OAS3: variants seen among roughly 807,000 people sequenced by gnomAD.
The protein encoded by OAS3 is 2'-5'-oligoadenylate synthase 3.
In OAS3, 107 loss-of-function variants were observed where a neutral mutation model predicts 113.0. That is an observed-to-expected ratio of 0.95 (90% confidence interval 0.81 to 1.11). The LOEUF (loss-of-function observed/expected upper bound fraction) is 1.11, where lower values mean the gene tolerates loss of function less well. Among genes scored for constraint, OAS3 ranks in the 50% most tolerant of loss-of-function variants. The pLI, the probability that OAS3 is intolerant of heterozygous loss-of-function variation, is 0.00. For synonymous variants in OAS3, 552 were observed against 573.6 expected (o/e 0.96, Z 0.54); for missense variants, 1,258 against 1,389.1 (o/e 0.91, Z 1.50).
At chr12:112,947,037 T>C (rs2043740123) in intron 4 of OAS3, 56 bp downstream of exon 4, 5 of 1,472,512 alleles carry the variant, frequency 3.4e-6, no homozygotes, top group South Asian at 2.3e-5. Flanking sequence ...GGGGAGATAA[T>C]TGACAAGGAC....
chr12:112,955,977 T>C (rs1165629361), intron 7 of OAS3, among the ~76,000 whole-genome samples: 1 of 152,230 alleles, frequency 6.6e-6, no homozygotes, highest in East Asian at 1.9e-4. Flanking sequence ...GGACTTTTTT[T>C]GGTTGGTAGG....
At position 112,948,021 on chromosome 12, in the gene OAS3, C is replaced by T. The variant is rs1296893645; in HGVS notation, c.951C>T (p.Ala317=). The T allele has an allele frequency of 5.0e-6, 8 of 1,601,130 alleles. No homozygotes were observed. The South Asian group carries it at 8.9e-5, about 18-fold the overall frequency. Residue 317 remains alanine (A), a synonymous_variant, in exon 5 of 16, where the codon GCC becomes GCT. Coordinates refer to ENST00000228928, the MANE Select transcript of OAS3 (RefSeq NM_006187.4). ...CAGCCTGGCACTGGGATTTGCTAGCCCAGGAGGCAGCATCCTGCTATGACC... is the reference window on the plus strand; with the variant it reads ...CAGCCTGGCACTGGGATTTGCTAGCTCAGGAGGCAGCATCCTGCTATGACC... ...NGAAWHWDLL[A]QEAASCYDHP...
chr12:112,947,656 T>C (rs1565975808), intron 4 of OAS3, among the ~76,000 whole-genome samples: 1 of 152,188 alleles, frequency 6.6e-6, no homozygotes, highest in Non-Finnish European at 1.5e-5. Flanking sequence ...TGCATATCTG[T>C]TGGAAATATA....
chr12:112,949,208 G>A lies in OAS3; in HGVS notation c.1374+3G>A, dbSNP rs1031554394. ...ACAAGGCCTCAAGAGTCAGTAAAGTGAGTTGGGCCAGTGGAGACACAGGGG... is the reference window on the plus strand; with the variant it reads ...ACAAGGCCTCAAGAGTCAGTAAAGTAAGTTGGGCCAGTGGAGACACAGGGG... On this transcript the variant is annotated splice_donor_region_variant and intron_variant, in intron 6 of 15. Coordinates refer to ENST00000228928, the MANE Select transcript of OAS3 (RefSeq NM_006187.4). 15 of 1,593,144 alleles carry A rather than the reference G, an allele frequency of 9.4e-6. No individual in the cohort carries two copies. Among genetic ancestry groups the A allele is most frequent in the Non-Finnish European group, 1.3e-5 (15 of 1,175,642 alleles).
In OAS3 at chr12:112,938,569, G is replaced by C. The variant is rs753470958; in HGVS notation, c.39G>C (p.Arg13Ser). The change falls in exon 1 of 16, where the codon AGG becomes AGC. Residue 13 changes from arginine to serine, a missense_variant. Physicochemically the swap from Arg to Ser is moderately radical, Grantham distance 110. Transcript: ENST00000228928. ...GCACCCCGGCCGCTGCGCTGGACAG[G>C]TTCGTGGCCAGAAGGCTGCAGCCGC... Reference protein sequence around the residue: ...LYSTPAAALDRFVARRLQPRK... With the variant: ...LYSTPAAALDSFVARRLQPRK... 2.5e-6 allele frequency: 4 copies of C among 1,610,374 alleles called. No individual in the cohort carries two copies. The Admixed American group carries it at 6.7e-5, about 27-fold the overall frequency.
Position 112,967,567 on chromosome 12 carries a change from C to T in OAS3, c.2839C>T (p.Arg947Trp), listed in dbSNP as rs200185349. 2.6e-4 allele frequency: 418 copies of T among 1,613,718 alleles called. No individual in the cohort carries two copies. Among genetic ancestry groups the T allele is most frequent in the Non-Finnish European group, 3.3e-4 (389 of 1,179,784 alleles). The change falls in exon 13 of 16, where the codon CGG becomes TGG. Residue 947 changes from arginine (R) to tryptophan (W), a missense_variant. Physicochemically the swap from Arg to Trp is moderately radical, Grantham distance 101. Transcript: ENST00000228928. ...SRPTKLKSLI[R>W]LVKHWYQQCT... ...CCCTACCAAGCTGAAGAGCCTGATCCGGCTGGTGAAGCACTGGTACCAGCA... is the reference window on the plus strand; with the variant it reads ...CCCTACCAAGCTGAAGAGCCTGATCTGGCTGGTGAAGCACTGGTACCAGCA...
At chr12:112,964,098 C>A in intron 10 of OAS3, 137 bp from the exon 11 acceptor site, 2 of 883,436 alleles carry the variant, frequency 2.3e-6, no homozygotes, top group Non-Finnish European at 3.4e-6. Context: ...TACCTCAGAA[C>A]CTACCCACCA....
In OAS3 at chr12:112,967,488, G is replaced by A. The variant is rs756090940; in HGVS notation, c.2760G>A (p.Ala920=). 36 of 1,613,512 alleles carry A rather than the reference G, an allele frequency of 2.2e-5. No homozygotes were observed. The highest frequency in any genetic ancestry group is 2.9e-5 in the Non-Finnish European group (34 of 1,179,782). The change falls in exon 13 of 16, where the codon GCG becomes GCA. Residue 920 remains alanine (A), a synonymous_variant. Coordinates refer to ENST00000228928, the MANE Select transcript of OAS3 (RefSeq NM_006187.4). The part of the protein sequence containing the change: ...YVDLIHSYSN[A]GEYSTCFTEL... ...ACCTCATCCACAGCTACAGCAATGCGGGCGAGTACTCCACCTGCTTCACAG... is the reference window on the plus strand; with the variant it reads ...ACCTCATCCACAGCTACAGCAATGCAGGCGAGTACTCCACCTGCTTCACAG...
At position 112,949,255 on chromosome 12, in the gene OAS3, G is replaced by A. The variant is rs368625790; in HGVS notation, c.1374+50G>A. The A allele has an allele frequency of 3.3e-5, 50 of 1,518,644 alleles. 1 individual carries two copies. Among genetic ancestry groups the A allele is most frequent in the African/African-American group, 9.6e-5 (7 of 73,234 alleles). 94.1% of individuals were successfully genotyped at this position (1,518,644 alleles called of 1,614,324 possible). A position where few individuals can be genotyped will look rare whatever the true frequency, so the allele number is the denominator to read the frequency against. ...GGGGGGACCCTATCGAGGGATCAGC[G>A]TGGGGAAGGGAAGGAGTTACAGCAA... On this transcript the variant is annotated intron_variant, in intron 6 of 15. Transcript: ENST00000228928.
intron 5 of OAS3, 36 bp downstream of exon 5, chr12:112,948,135 A>G: frequency 2.7e-6 from 4 of 1,482,800 alleles, no homozygotes; most frequent in Non-Finnish European, 3.6e-6. Context: ...TGGGTTTTGC[A>G]CTTTGTTTAT....
chr12:112,970,218 C>G lies in OAS3; in HGVS notation c.*245C>G. On this transcript the variant is annotated 3_prime_UTR_variant, in exon 16 of 16. Coordinates refer to ENST00000228928, the MANE Select transcript of OAS3 (RefSeq NM_006187.4). Reference sequence around the variant, plus strand: ...CCAGACTCCATGGTTTGACACCAGCCTGCGTTTGCAGCTTCTCTGTCACTT... The same window carrying G: ...CCAGACTCCATGGTTTGACACCAGCGTGCGTTTGCAGCTTCTCTGTCACTT... 1 of 583,354 alleles carries G rather than the reference C, an allele frequency of 1.7e-6. No individual in the cohort carries two copies. Among genetic ancestry groups the G allele is most frequent in the South Asian group, 2.0e-5 (1 of 50,076 alleles). The allele number at this position is 583,354 out of a possible 1,614,324, so 36.1% of individuals were successfully genotyped here. A position where few individuals can be genotyped will look rare whatever the true frequency, so the allele number is the denominator to read the frequency against.
At chr12:112,943,956 G>T (rs1452926278) in intron 2 of OAS3, among the ~76,000 whole-genome samples, 1 of 152,174 alleles carries the variant, frequency 6.6e-6, no homozygotes, top group Non-Finnish European at 1.5e-5. Flanking sequence ...GCCTCCCAAA[G>T]TGCTGGGATT....
At chr12:112,969,800 G>C (rs769552427) in intron 15 of OAS3, 45 bp downstream of exon 15, 5 of 1,605,844 alleles carry the variant, frequency 3.1e-6, no homozygotes, top group Non-Finnish European at 3.4e-6. Flanking sequence ...TAGGGGTAAG[G>C]GGGGAGCATG....
At chr12:112,952,299 T>C (rs1175855810) in intron 7 of OAS3, among the ~76,000 whole-genome samples, 3 of 152,218 alleles carry the variant, frequency 2.0e-5, no homozygotes, top group Non-Finnish European at 4.4e-5. Flanking sequence ...TATCTTTGTC[T>C]TAAAGCCTTT....
Position 112,954,899 on chromosome 12 carries a change from A to C in OAS3, c.1657+3924A>C, listed in dbSNP as rs1344529535. On this transcript the variant is annotated intron_variant, in intron 7 of 15. Coordinates refer to ENST00000228928, the MANE Select transcript of OAS3 (RefSeq NM_006187.4). The surrounding 1 kb of genome is among the most constrained non-coding windows in gnomAD (Gnocchi z 4.0). Reference sequence around the variant, plus strand: ...TGTTGGGGATGGCATTGAATCTATAAATTACCTTGGGCAATATGGCCATTT... The same window carrying C: ...TGTTGGGGATGGCATTGAATCTATACATTACCTTGGGCAATATGGCCATTT... 6.6e-6 allele frequency among the ~76,000 whole-genome samples: 1 copy of C among 152,172 alleles called. No individual in the cohort carries two copies. Among genetic ancestry groups the C allele is most frequent in the Non-Finnish European group, 1.5e-5 (1 of 68,032 alleles).
chr12:112,950,607 T>C, intron 6 of OAS3, 86 bp from the exon 7 acceptor site: 8 of 1,494,512 alleles, frequency 5.4e-6, no homozygotes, highest in Non-Finnish European at 7.3e-6. Context: ...GGTTCCAGGC[T>C]GTAGATGGGG....
chr12:112,963,026 C>A lies in OAS3; in HGVS notation c.2084+124C>A. 1 of 1,357,364 alleles carries A rather than the reference C, an allele frequency of 7.4e-7. No individual in the cohort carries two copies. The highest frequency in any genetic ancestry group is 1.0e-6 in the Non-Finnish European group (1 of 976,554). 84.1% of individuals were successfully genotyped at this position (1,357,364 alleles called of 1,614,324 possible). A position where few individuals can be genotyped will look rare whatever the true frequency, so the allele number is the denominator to read the frequency against. ...GGTGGCAATCCCACTCCTCACTCTG[C>A]TTCCCTCTGGACTCTTTGCTGAGGA... On this transcript the variant is annotated intron_variant, in intron 9 of 15. Coordinates refer to ENST00000228928, the MANE Select transcript of OAS3 (RefSeq NM_006187.4). This position sits in a 1 kb window ranked among gnomAD's most constrained non-coding sequence, Gnocchi z 4.6.
intron 7 of OAS3, 72 bp downstream of exon 7, chr12:112,951,047 A>G (rs2043787385): frequency 6.8e-7 from 1 of 1,464,844 alleles, no homozygotes; most frequent in Non-Finnish European, 9.2e-7. Context: ...GGCACCTGCC[A>G]TCCTCTTTGT....
intron 7 of OAS3, among the ~76,000 whole-genome samples, chr12:112,959,806 A>G (rs527977397): frequency 7.9e-4 from 120 of 152,160 alleles, no homozygotes; most frequent in Non-Finnish European, 1.4e-3. Context: ...TTAATTTTTT[A>G]AAATTTCAGT....
Sources: gnomAD v4.1 joint callset for allele counts (sites outside exome capture counted in the v4.1 genomes callset) on GRCh38, gnomAD v4.1.1 for gene constraint, Gnocchi (gnomAD v3.1) non-coding constraint, MANE v1.5 for transcripts, NCBI Gene and HGNC (gene_info 2026-07-23, HGNC 2026-07-21) for gene names.